The following CDK13 variants were observed in gnomAD, a reference collection of about 807,000 sequenced individuals.
CDK13 encodes the protein cyclin-dependent kinase 13.
CDK13 carries 40 observed loss-of-function variants against 137.6 expected under a neutral mutation model. That is an observed-to-expected ratio of 0.29 (90% confidence interval 0.23 to 0.38). The LOEUF is 0.38. Among genes scored for constraint, CDK13 ranks in the 10% least tolerant of loss-of-function variants. The pLI, the probability that CDK13 is intolerant of heterozygous loss-of-function variation, is 1.00. For missense variants in CDK13, 1,704 were observed against 1,951.8 expected, an observed-to-expected ratio of 0.87 and a Z score of 2.39; for synonymous variants, 869 against 760.1, an observed-to-expected ratio of 1.14 and a Z score of -2.36.
intron 12 of CDK13, 93 bp from the exon 13 acceptor site, chr7:40,092,692 A>G (rs1394206977): frequency 1.2e-6 from 1 of 809,542 alleles, no homozygotes; most frequent in Non-Finnish European, 2.0e-6. Context: ...CCTCAAATAT[A>G]TATTTTCATA....
At chr7:40,028,769 G>T (rs1785301174) in intron 5 of CDK13, among the ~76,000 whole-genome samples, 1 of 151,744 alleles carries the variant, frequency 6.6e-6, no homozygotes. Flanking sequence ...TCAAAATAAA[G>T]TTCCTCTGTA....
At chr7:40,066,687 T>G (rs1430012305) in intron 9 of CDK13, 4 of 152,228 alleles carry the variant, frequency 2.6e-5, no homozygotes, top group Non-Finnish European at 5.9e-5. Context: ...TGTTTTTAAT[T>G]TCTAGATTTA....
intron 1 of CDK13, chr7:39,986,002 G>A (rs140337149): frequency 3.3e-5 from 5 of 152,318 alleles, no homozygotes; most frequent in Non-Finnish European, 7.3e-5. Context: ...GTCAGTGGCA[G>A]AACAGCCCTG....
chr7:39,962,774 G>T (rs997697328), intron 1 of CDK13, among the ~76,000 whole-genome samples: 11 of 152,214 alleles, frequency 7.2e-5, no homozygotes, highest in Admixed American at 3.3e-4. Flanking sequence ...ATTTAAGTCT[G>T]TAATCCATCT....
At chr7:40,062,706 C>G in intron 7 of CDK13, 120 bp from the exon 8 acceptor site, 1 of 725,596 alleles carries the variant, frequency 1.4e-6, no homozygotes, top group Non-Finnish European at 2.4e-6. Flanking sequence ...TTTTAGTAGG[C>G]AGATGAAAGT....
At chr7:40,032,025 T>C (rs1244625704) in intron 5 of CDK13, among the ~76,000 whole-genome samples, 1 of 151,972 alleles carries the variant, frequency 6.6e-6, no homozygotes, top group Non-Finnish European at 1.5e-5. Context: ...TTTCGTTTTC[T>C]TAGCAGTGTC....
At chr7:40,022,701 G>C (rs962075436) in intron 5 of CDK13, among the ~76,000 whole-genome samples, 1 of 151,342 alleles carries the variant, frequency 6.6e-6, no homozygotes, top group Non-Finnish European at 1.5e-5. Flanking sequence ...TCAAAGCAGA[G>C]TAGAGGAATG....
intron 5 of CDK13, among the ~76,000 whole-genome samples, chr7:40,019,581 G>A (rs2116392604): frequency 6.6e-6 from 1 of 152,188 alleles, no homozygotes; most frequent in East Asian, 1.9e-4. Flanking sequence ...CCCACATTGT[G>A]AGGGTTCATC....
At chr7:40,067,037 A>G (rs1270354771) in intron 9 of CDK13, among the ~76,000 whole-genome samples, 2 of 151,918 alleles carry the variant, frequency 1.3e-5, no homozygotes, top group Non-Finnish European at 2.9e-5. Flanking sequence ...GTTAACATCT[A>G]TTTAGTTCAT....
At chr7:40,037,917 G>A (rs1222138731) in intron 5 of CDK13, among the ~76,000 whole-genome samples, 2 of 152,110 alleles carry the variant, frequency 1.3e-5, no homozygotes, top group South Asian at 2.1e-4. Context: ...ATACTCTATT[G>A]TAGACAGTTT....
intron 9 of CDK13, chr7:40,066,588 C>T (rs1786284643): frequency 6.6e-6 from 1 of 152,320 alleles, no homozygotes; most frequent in East Asian, 1.9e-4. Context: ...AACTTTAAGA[C>T]ATTGCTGTCT....
At chr7:40,080,370 T>C (rs1469115378) in intron 11 of CDK13, among the ~76,000 whole-genome samples, 1 of 152,194 alleles carries the variant, frequency 6.6e-6, no homozygotes, top group Non-Finnish European at 1.5e-5. Flanking sequence ...TTCCATGTAA[T>C]AAAAATAGCA....
chr7:40,066,792 G>C (rs1324862804), intron 9 of CDK13: 1 of 152,202 alleles, frequency 6.6e-6, no homozygotes. Flanking sequence ...TGAATCCTCT[G>C]TTTAAAGAGA....
intron 2 of CDK13, among the ~76,000 whole-genome samples, chr7:39,996,721 G>T (rs1784566920): frequency 6.6e-6 from 1 of 152,024 alleles, no homozygotes; most frequent in African/African-American, 2.4e-5. Flanking sequence ...GCTGAGCGTT[G>T]TGAGGCCAAG....
At chr7:39,978,490 A>G (rs531091865) in intron 1 of CDK13, among the ~76,000 whole-genome samples, 3 of 152,348 alleles carry the variant, frequency 2.0e-5, no homozygotes, top group African/African-American at 2.4e-5. Flanking sequence ...AAGGACAGAT[A>G]AAGATAATAT....
chr7:40,082,764 C>A (rs1786694866), intron 11 of CDK13, among the ~76,000 whole-genome samples: 1 of 144,540 alleles, frequency 6.9e-6, no homozygotes. Flanking sequence ...GCACTCCAGC[C>A]TGGGTGACAG....
At chr7:40,068,120 T>A (rs2150529921) in intron 9 of CDK13, 1 of 150,114 alleles carries the variant, frequency 6.7e-6, no homozygotes, top group South Asian at 2.1e-4. Flanking sequence ...TTGTATAAGA[T>A]ATTAATCCAA....
At chr7:40,007,947 G>A (rs1178575022) in intron 5 of CDK13, among the ~76,000 whole-genome samples, 1 of 152,194 alleles carries the variant, frequency 6.6e-6, no homozygotes, top group African/African-American at 2.4e-5. Flanking sequence ...AGGTATAGTG[G>A]AGGGCATTCT....
chr7:40,078,912 A>C, intron 11 of CDK13, 61 bp downstream of exon 11: 1 of 599,062 alleles, frequency 1.7e-6, no homozygotes, highest in Admixed American at 5.1e-5. Context: ...ATATTAAAAC[A>C]GTTTTAATAA....
Sources: gnomAD v4.1 joint callset for allele counts (sites outside exome capture counted in the v4.1 genomes callset) on GRCh38, gnomAD v4.1.1 for gene constraint, MANE v1.5 for transcripts, NCBI Gene and HGNC (gene_info 2026-07-23, HGNC 2026-07-21) for gene names.